ZNF407: variants seen among roughly 807,000 people sequenced by gnomAD.
ZNF407 encodes the protein zinc finger protein 407.
In ZNF407, 17 loss-of-function variants were observed where a neutral mutation model predicts 131.2. That is an observed-to-expected ratio of 0.13 (90% CI 0.09 to 0.19). The LOEUF is 0.19. ZNF407 is among the 10% of genes least tolerant of loss of function. The probability of loss-of-function intolerance (pLI) is 1.00; values close to 1 mark genes in which losing one functional copy is unlikely to be tolerated. For synonymous variants in ZNF407, 1,156 were observed against 1,062.0 expected, an observed-to-expected ratio of 1.09 and a Z score of -1.72; for missense variants, 2,681 against 2,830.6, an observed-to-expected ratio of 0.95 and a Z score of 1.20.
intron 4 of ZNF407, among the ~76,000 whole-genome samples, chr18:74,854,190 A>G (rs1372101183): frequency 6.6e-6 from 1 of 152,196 alleles, no homozygotes; most frequent in Non-Finnish European, 1.5e-5. Context: ...AAAGAGTCCT[A>G]GACAAAAGTC....
At chr18:74,750,071 C>A (rs1968763487) in intron 3 of ZNF407, among the ~76,000 whole-genome samples, 1 of 152,174 alleles carries the variant, frequency 6.6e-6, no homozygotes, top group African/African-American at 2.4e-5. Context: ...AGCCTTGGCA[C>A]ATATGTAAGC....
intron 4 of ZNF407, among the ~76,000 whole-genome samples, chr18:74,821,720 G>T (rs181556739): frequency 6.6e-6 from 1 of 152,190 alleles, no homozygotes; most frequent in Admixed American, 6.5e-5. Context: ...GAATAGTGCC[G>T]CAATAAACAT....
In ZNF407 at chr18:74,630,689, A is replaced by C. The variant is rs75038486; in HGVS notation, c.-53-278A>C. ...AAATTGAAGTATGCTGGTACAGAGA[A>C]TTGAAATATGGGAGTTTTTCTGCAA... On this transcript the variant is annotated intron_variant, in intron 1 of 8. Transcript: ENST00000299687. Among the ~76,000 whole-genome samples, 1,127 of 152,210 alleles carry C rather than the reference A, an allele frequency of 7.4e-3. 18 individuals carry two copies. The highest frequency in any genetic ancestry group is 0.026 in the African/African-American group (1,075 of 41,518).
intron 8 of ZNF407, among the ~76,000 whole-genome samples, chr18:74,947,945 A>G (rs1228463215): frequency 6.6e-6 from 1 of 152,202 alleles, no homozygotes; most frequent in Non-Finnish European, 1.5e-5. Context: ...CTGTAAATTC[A>G]CACCTTCAAA....
chr18:74,870,761 A>G (rs1393160171), intron 4 of ZNF407, among the ~76,000 whole-genome samples: 1 of 152,176 alleles, frequency 6.6e-6, no homozygotes. Flanking sequence ...TAGCTATTAG[A>G]GTACCTTTTT....
chr18:74,658,222 A>G (rs1292414696), intron 3 of ZNF407, among the ~76,000 whole-genome samples: 1 of 151,894 alleles, frequency 6.6e-6, no homozygotes, highest in East Asian at 1.9e-4. Context: ...CGGTTCAAGC[A>G]ATTCTCCTGC....
chr18:74,713,358 C>CTT (rs5826345), intron 3 of ZNF407, among the ~76,000 whole-genome samples: 57 of 84,366 alleles, frequency 6.8e-4, no homozygotes, highest in East Asian at 1.4e-3. Flanking sequence ...ATTTTAGCAT[C>CTT]TTTTTTTTTT....
chr18:74,670,461 G>A (rs978711973), intron 3 of ZNF407, among the ~76,000 whole-genome samples: 1 of 152,086 alleles, frequency 6.6e-6, no homozygotes, highest in African/African-American at 2.4e-5. Flanking sequence ...ATTCGAATAA[G>A]CAACTGCTTG....
chr18:74,758,467 T>C (rs1969015196), intron 3 of ZNF407, among the ~76,000 whole-genome samples: 2 of 152,202 alleles, frequency 1.3e-5, no homozygotes, highest in Non-Finnish European at 2.9e-5. Flanking sequence ...TACTTTGTCC[T>C]GTTACTGTCA....
At chr18:74,710,206 ATTGAT>A (rs1457088260) in intron 3 of ZNF407, among the ~76,000 whole-genome samples, 1 of 152,206 alleles carries the variant, frequency 6.6e-6, no homozygotes, top group Non-Finnish European at 1.5e-5. Flanking sequence ...GTTATATTTA[ATTGAT>A]TTGACTAATC....
Position 74,904,334 on chromosome 18 carries a change from G to A in ZNF407, c.5249+14296G>A, listed in dbSNP as rs368167694. Among the ~76,000 whole-genome samples, 44 of 152,312 alleles carry A rather than the reference G, an allele frequency of 2.9e-4. 2 individuals are homozygous for A. The South Asian group carries it at 8.7e-3, about 30-fold the overall frequency. On this transcript the variant is annotated intron_variant, in intron 7 of 8. Coordinates refer to ENST00000299687, the MANE Select transcript of ZNF407 (RefSeq NM_017757.3). ...TCTTCTCCTTCTTTATACCAGCAAT[G>A]TATCAGTATATGATGATATGAAACA...
intron 8 of ZNF407, among the ~76,000 whole-genome samples, chr18:74,939,024 A>G (rs1463123056): frequency 6.6e-6 from 1 of 152,260 alleles, no homozygotes; most frequent in African/African-American, 2.4e-5. Context: ...AGGGTAAGAC[A>G]TAATCTAAGG....
intron 4 of ZNF407, among the ~76,000 whole-genome samples, chr18:74,846,433 G>A (rs981501933): frequency 1.3e-5 from 2 of 151,170 alleles, no homozygotes; most frequent in Admixed American, 6.6e-5. Flanking sequence ...TCTGCCTCCC[G>A]GATTCAAGCA....
chr18:74,980,996 T>G (rs966515519), intron 8 of ZNF407, among the ~76,000 whole-genome samples: 4 of 152,214 alleles, frequency 2.6e-5, no homozygotes, highest in African/African-American at 7.2e-5. Flanking sequence ...GCTACTTGCC[T>G]GGCACCATCA....
intron 4 of ZNF407, among the ~76,000 whole-genome samples, chr18:74,843,283 A>G (rs1441852751): frequency 6.6e-6 from 1 of 152,220 alleles, no homozygotes; most frequent in African/African-American, 2.4e-5. Flanking sequence ...TTATATAAAT[A>G]AAACATATGT....
At chr18:74,985,744 G>A (rs1045288030) in intron 8 of ZNF407, among the ~76,000 whole-genome samples, 1 of 152,110 alleles carries the variant, frequency 6.6e-6, no homozygotes, top group Non-Finnish European at 1.5e-5. Context: ...GTTGCTTTGG[G>A]CCATTGAACA....
At position 74,881,443 on chromosome 18, in the gene ZNF407, C is replaced by T. The variant is rs1024178438; in HGVS notation, c.5128+324C>T. 9.2e-5 allele frequency among the ~76,000 whole-genome samples: 14 copies of T among 152,222 alleles called. No homozygotes were observed. The East Asian group carries it at 1.2e-3, about 13-fold the overall frequency. On this transcript the variant is annotated intron_variant, in intron 6 of 8. Coordinates refer to ENST00000299687, the MANE Select transcript of ZNF407 (RefSeq NM_017757.3). ...GTCCGCAAATCTCTGCCTTAGGCCT[C>T]GTGGGTGGAAAATGGGGAGTCTTTG...
intron 4 of ZNF407, among the ~76,000 whole-genome samples, chr18:74,854,862 C>T (rs952848866): frequency 6.6e-6 from 1 of 151,962 alleles, no homozygotes; most frequent in Non-Finnish European, 1.5e-5. Flanking sequence ...CTTTTCATTT[C>T]CCCAGAGCTG....
intron 3 of ZNF407, among the ~76,000 whole-genome samples, chr18:74,724,555 C>G (rs1264473786): frequency 6.6e-6 from 1 of 152,134 alleles, no homozygotes; most frequent in Non-Finnish European, 1.5e-5. Flanking sequence ...ATTTCTCTCT[C>G]TCTCTCTCTC....
Sources: gnomAD v4.1 joint callset for allele counts (sites outside exome capture counted in the v4.1 genomes callset) on GRCh38, gnomAD v4.1.1 for gene constraint, MANE v1.5 for transcripts, NCBI Gene and HGNC (gene_info 2026-07-23, HGNC 2026-07-21) for gene names.